Variants in GLIS1 observed in about 807,000 individuals in gnomAD.
GLIS1 encodes the protein zinc finger protein GLIS1.
A neutral mutation model predicts 63.8 loss-of-function variants in GLIS1; 24 were observed. That is an observed-to-expected ratio of 0.38 (90% CI 0.27 to 0.53). The LOEUF (loss-of-function observed/expected upper bound fraction) is 0.53, where lower values mean the gene tolerates loss of function less well. Ranked by LOEUF, GLIS1 falls within the 20% of genes least tolerant of loss-of-function variation. GLIS1 has a pLI of 0.85. For synonymous variants in GLIS1, 450 were observed against 482.5 expected (o/e 0.93, Z 0.88); for missense variants, 1,036 against 1,074.1 (o/e 0.96, Z 0.50).
At chr1:53,701,725 G>A (rs1255206034) in intron 2 of GLIS1, among the ~76,000 whole-genome samples, 1 of 152,164 alleles carries the variant, frequency 6.6e-6, no homozygotes, top group African/African-American at 2.4e-5. Flanking sequence ...GGGTGTGGTG[G>A]CTCATGCCTG....
At chr1:53,623,213 TAAC>T (rs1369702481) in intron 2 of GLIS1, among the ~76,000 whole-genome samples, 1 of 152,152 alleles carries the variant, frequency 6.6e-6, no homozygotes, top group Non-Finnish European at 1.5e-5. Flanking sequence ...ATAGAAAAGA[TAAC>T]AAACACATCA....
At chr1:53,728,448 T>A (rs545998026) in intron 2 of GLIS1, among the ~76,000 whole-genome samples, 1 of 152,152 alleles carries the variant, frequency 6.6e-6, no homozygotes, top group African/African-American at 2.4e-5. Flanking sequence ...TCATTACTAT[T>A]ATTATCCTCA....
intron 2 of GLIS1, among the ~76,000 whole-genome samples, chr1:53,686,193 C>CCG (rs1646335429): frequency 7.9e-5 from 12 of 152,162 alleles, no homozygotes; most frequent in Non-Finnish European, 1.6e-4. Context: ...CTATGACTGC[C>CCG]CTGAAGCTGG....
intron 4 of GLIS1, among the ~76,000 whole-genome samples, chr1:53,544,072 C>T (rs539764472): frequency 7.0e-4 from 106 of 152,200 alleles, no homozygotes; most frequent in African/African-American, 2.0e-3. Context: ...CTGCGCCACC[C>T]GACTCAGAGG....
At chr1:53,584,695 A>C (rs1432993714) in intron 4 of GLIS1, among the ~76,000 whole-genome samples, 1 of 152,190 alleles carries the variant, frequency 6.6e-6, no homozygotes, top group Non-Finnish European at 1.5e-5. Context: ...AGGACTCTAA[A>C]GAAGGGCCTC....
At chr1:53,581,715 CG>C (rs1288164618) in intron 4 of GLIS1, among the ~76,000 whole-genome samples, 5 of 152,032 alleles carry the variant, frequency 3.3e-5, no homozygotes, top group African/African-American at 1.2e-4. Context: ...TCCAGGCAGA[CG>C]GGGCAGCCAT....
chr1:53,556,418 GGT>G (rs1557448734), intron 4 of GLIS1, among the ~76,000 whole-genome samples: 5 of 129,294 alleles, frequency 3.9e-5, no homozygotes, highest in Admixed American at 8.0e-5. Context: ...GTGTACTGTA[GGT>G]ATGTGTGTGC....
chr1:53,706,971 G>C (rs1379816043), intron 2 of GLIS1, among the ~76,000 whole-genome samples: 4 of 152,154 alleles, frequency 2.6e-5, no homozygotes, highest in African/African-American at 9.7e-5. Context: ...AGTGCTCCTG[G>C]CTGGACCAAA....
intron 2 of GLIS1, among the ~76,000 whole-genome samples, chr1:53,650,337 C>T (rs1255559254): frequency 6.6e-6 from 1 of 152,136 alleles, no homozygotes; most frequent in Non-Finnish European, 1.5e-5. Flanking sequence ...CACCTGTAAT[C>T]AAAGCACTTT....
intron 2 of GLIS1, among the ~76,000 whole-genome samples, chr1:53,691,440 C>A (rs1323172508): frequency 6.6e-6 from 1 of 152,196 alleles, no homozygotes; most frequent in Non-Finnish European, 1.5e-5. Flanking sequence ...CCTGGGCCCA[C>A]TCTGGACTCC....
intron 2 of GLIS1, among the ~76,000 whole-genome samples, chr1:53,635,883 C>G (rs539041075): frequency 5.9e-5 from 9 of 152,188 alleles, no homozygotes; most frequent in African/African-American, 1.4e-4. Flanking sequence ...TATAATTTAT[C>G]AAAACTGATA....
chr1:53,601,796 C>G (rs1207442431), intron 2 of GLIS1, among the ~76,000 whole-genome samples: 2 of 152,210 alleles, frequency 1.3e-5, no homozygotes, highest in Non-Finnish European at 2.9e-5. Context: ...CCCGAGGATC[C>G]CTGTCCCTCA....
intron 2 of GLIS1, among the ~76,000 whole-genome samples, chr1:53,703,719 G>C (rs1646548289): frequency 6.7e-6 from 1 of 148,166 alleles, no homozygotes; most frequent in Non-Finnish European, 1.5e-5. Flanking sequence ...TTGACCTAAA[G>C]AGACCACAGA....
At chr1:53,603,030 G>C (rs1645334241) in intron 2 of GLIS1, among the ~76,000 whole-genome samples, 1 of 152,208 alleles carries the variant, frequency 6.6e-6, no homozygotes, top group Non-Finnish European at 1.5e-5. Flanking sequence ...CAGGGAAGAA[G>C]GGACTGAGTG....
chr1:53,552,040 C>A (rs1644765500), intron 4 of GLIS1, among the ~76,000 whole-genome samples: 1 of 152,090 alleles, frequency 6.6e-6, no homozygotes, highest in Admixed American at 6.5e-5. Context: ...CACATCCCAA[C>A]ATACTGCAAA....
At chr1:53,536,579 G>A in intron 4 of GLIS1, among the ~76,000 whole-genome samples, 1 of 152,178 alleles carries the variant, frequency 6.6e-6, no homozygotes, top group East Asian at 1.9e-4. Flanking sequence ...GATGTCACTG[G>A]CTCCAGGTCA....
At chr1:53,544,093 A>G (rs962170822) in intron 4 of GLIS1, among the ~76,000 whole-genome samples, 3 of 152,208 alleles carry the variant, frequency 2.0e-5, no homozygotes, top group Non-Finnish European at 2.9e-5. Flanking sequence ...GACGCCTGGA[A>G]CTCATTAGCA....
intron 4 of GLIS1, among the ~76,000 whole-genome samples, chr1:53,545,788 G>A (rs112832955): frequency 1.2e-4 from 19 of 152,322 alleles, no homozygotes; most frequent in African/African-American, 4.1e-4. Context: ...GACAGATTTA[G>A]TCACAATTCT....
intron 2 of GLIS1, among the ~76,000 whole-genome samples, chr1:53,601,990 G>C (rs1196023825): frequency 6.6e-6 from 1 of 152,138 alleles, no homozygotes; most frequent in Admixed American, 6.5e-5. Context: ...CAGGGCAGGT[G>C]AGGTGCTCAT....
Sources: gnomAD v4.1 joint callset for allele counts (sites outside exome capture counted in the v4.1 genomes callset) on GRCh38, gnomAD v4.1.1 for gene constraint, MANE v1.5 for transcripts, NCBI Gene and HGNC (gene_info 2026-07-23, HGNC 2026-07-21) for gene names.